GPR137C: variants seen among roughly 807,000 people sequenced by gnomAD.
GPR137C encodes G protein-coupled receptor 137C.
GPR137C carries 27 observed loss-of-function variants against 43.4 expected under a neutral mutation model. That is an observed-to-expected ratio of 0.62 (90% CI 0.46 to 0.86). The LOEUF (loss-of-function observed/expected upper bound fraction) is 0.86. Ranked by LOEUF, GPR137C falls within the 40% of genes least tolerant of loss-of-function variation. The probability of loss-of-function intolerance (pLI) is 0.00; values close to 1 mark genes in which losing one functional copy is unlikely to be tolerated. For missense variants in GPR137C, 522 were observed against 534.6 expected, an observed-to-expected ratio of 0.98 and a Z score of 0.23; for synonymous variants, 285 against 226.9, an observed-to-expected ratio of 1.26 and a Z score of -2.30.
chr14:52,565,016 A>G (rs1171400675), intron 1 of GPR137C, among the ~76,000 whole-genome samples: 1 of 152,210 alleles, frequency 6.6e-6, no homozygotes, highest in African/African-American at 2.4e-5. Flanking sequence ...CGGAGAGAGA[A>G]TAGGGGAGTG....
intron 3 of GPR137C, chr14:52,612,274 C>G: frequency 1.1e-6 from 1 of 942,278 alleles, no homozygotes; most frequent in Non-Finnish European, 1.3e-6. Flanking sequence ...TTATACCCTG[C>G]TTTTCCCCTT....
intron 1 of GPR137C, among the ~76,000 whole-genome samples, chr14:52,565,274 TTTC>T (rs2038350136): frequency 6.6e-6 from 1 of 152,186 alleles, no homozygotes; most frequent in Non-Finnish European, 1.5e-5. Context: ...CATGGGCTAT[TTTC>T]TTCTCCTCCT....
intron 3 of GPR137C, among the ~76,000 whole-genome samples, chr14:52,605,411 T>C (rs961507403): frequency 6.6e-6 from 1 of 152,266 alleles, no homozygotes; most frequent in African/African-American, 2.4e-5. Context: ...TATCCTTCAA[T>C]TTTACTGATC....
At chr14:52,613,625 G>A in intron 3 of GPR137C, 1 of 209,490 alleles carries the variant, frequency 4.8e-6, no homozygotes, top group Non-Finnish European at 9.8e-6. Flanking sequence ...TCTGTGCCTG[G>A]CATATTTTAT....
At chr14:52,566,383 ATACTC>A (rs2038370703) in intron 1 of GPR137C, among the ~76,000 whole-genome samples, 1 of 152,190 alleles carries the variant, frequency 6.6e-6, no homozygotes, top group Non-Finnish European at 1.5e-5. Flanking sequence ...GGTGTAGTGT[ATACTC>A]TAAGGAGAAT....
At chr14:52,588,710 A>AT (rs545007017) in intron 1 of GPR137C, among the ~76,000 whole-genome samples, 4 of 152,130 alleles carry the variant, frequency 2.6e-5, no homozygotes, top group Admixed American at 1.3e-4. Context: ...ATAATCCTGG[A>AT]TTTTTTTTCA....
Position 52,633,613 on chromosome 14 carries a change from G to A in GPR137C, c.951G>A (p.Ser317=), listed in dbSNP as rs766952761. Reference sequence around the variant, plus strand: ...TGTGGGAACATGTGCCAGCATGGTCGGTGGTACTGTTTTTCCGGGCACAGA... The same window carrying A: ...TGTGGGAACATGTGCCAGCATGGTCAGTGGTACTGTTTTTCCGGGCACAGA... The part of the protein sequence containing the change: ...LFLWEHVPAW[S]VVLFFRAQRL... Residue 317 remains serine, a synonymous_variant, in exon 5 of 7, where the codon TCG becomes TCA. Coordinates refer to ENST00000321662, the MANE Select transcript of GPR137C (RefSeq NM_001099652.2). 75 of 1,612,964 alleles carry A rather than the reference G, an allele frequency of 4.6e-5. No homozygotes were observed. Among genetic ancestry groups the A allele is most frequent in the Middle Eastern group, 3.3e-4 (2 of 6,080 alleles).
chr14:52,581,370 TAA>T (rs142405317), intron 1 of GPR137C, among the ~76,000 whole-genome samples: 198 of 127,396 alleles, frequency 1.6e-3, no homozygotes, highest in Middle Eastern at 4.1e-3. Flanking sequence ...CCTTCTCTAC[TAA>T]AAAAAAAAAA....
intron 3 of GPR137C, among the ~76,000 whole-genome samples, chr14:52,615,700 A>T (rs1359426471): frequency 1.3e-5 from 2 of 152,114 alleles, no homozygotes; most frequent in Non-Finnish European, 2.9e-5. Flanking sequence ...CTTAATGTTT[A>T]GATATTTAAT....
intron 3 of GPR137C, chr14:52,612,051 A>G: frequency 1.0e-6 from 1 of 984,896 alleles, no homozygotes; most frequent in Non-Finnish European, 1.2e-6. Context: ...TTTCACTGTT[A>G]TTTGTCTGTT....
At chr14:52,612,625 A>C (rs1296419277) in intron 3 of GPR137C, 1 of 534,860 alleles carries the variant, frequency 1.9e-6, no homozygotes, top group Non-Finnish European at 2.4e-6. Context: ...GTAGTGGCGC[A>C]ATTATAGCTT....
In GPR137C at chr14:52,584,095, T is replaced by C. The variant is rs139475621; in HGVS notation, c.445-14177T>C. On this transcript the variant is annotated intron_variant, in intron 1 of 6. Transcript: ENST00000321662. ...CCTTGACTTTTTGCCGTGCCAAACC[T>C]GTTCATTCACCAGAGTGAGTTCTTC... 3.9e-5 allele frequency among the ~76,000 whole-genome samples: 6 copies of C among 152,338 alleles called. No individual in the cohort carries two copies. In the East Asian group the frequency reaches 1.2e-3, roughly 29 times the overall value.
chr14:52,614,806 T>C (rs1191228249), intron 3 of GPR137C, among the ~76,000 whole-genome samples: 1 of 152,186 alleles, frequency 6.6e-6, no homozygotes, highest in Non-Finnish European at 1.5e-5. Flanking sequence ...TAAATCAGAT[T>C]ATTAAATTTT....
intron 3 of GPR137C, among the ~76,000 whole-genome samples, chr14:52,607,052 G>A (rs1482604452): frequency 2.6e-5 from 4 of 152,150 alleles, no homozygotes; most frequent in Non-Finnish European, 4.4e-5. Context: ...GCCATTGATC[G>A]TTCAGGAACA....
rs957067962 is a variant in GPR137C at position 52,636,786 on chromosome 14, T to C, written c.*1671T>C. ...TATGTTATTTTGGGTTTGTTTATAA[T>C]TCTCTCATTGTAACCAAATTATTTT... On this transcript the variant is annotated 3_prime_UTR_variant, in exon 7 of 7. Coordinates refer to ENST00000321662, the MANE Select transcript of GPR137C (RefSeq NM_001099652.2). The C allele has an allele frequency of 2.0e-4, 31 of 152,150 alleles. No individual in the cohort carries two copies. Among genetic ancestry groups the C allele is most frequent in the African/African-American group, 7.2e-4 (30 of 41,456 alleles). 9.4% of individuals were successfully genotyped at this position (152,150 alleles called of 1,614,324 possible). A position where few individuals can be genotyped will look rare whatever the true frequency, so the allele number is the denominator to read the frequency against.
At chr14:52,613,696 G>T in intron 3 of GPR137C, 2 of 289,944 alleles carry the variant, frequency 6.9e-6, no homozygotes, top group Non-Finnish European at 1.4e-5. Context: ...TCTTTCTTAT[G>T]GCTGAATAGT....
At chr14:52,591,380 G>A (rs562986907) in intron 1 of GPR137C, among the ~76,000 whole-genome samples, 1 of 152,246 alleles carries the variant, frequency 6.6e-6, no homozygotes, top group South Asian at 2.1e-4. Context: ...AGTATTTCTA[G>A]TTCCAGATCC....
chr14:52,575,327 C>T (rs937152251), intron 1 of GPR137C, among the ~76,000 whole-genome samples: 5 of 151,968 alleles, frequency 3.3e-5, no homozygotes, highest in Admixed American at 1.3e-4. Flanking sequence ...CCCAGGAGGC[C>T]GAGGCTTCAG....
chr14:52,607,862 G>A (rs942627034), intron 3 of GPR137C, among the ~76,000 whole-genome samples: 4 of 151,204 alleles, frequency 2.6e-5, no homozygotes, highest in Non-Finnish European at 5.9e-5. Flanking sequence ...GCAGCAGAGC[G>A]AGACTCTGTC....
Sources: gnomAD v4.1 joint callset for allele counts (sites outside exome capture counted in the v4.1 genomes callset) on GRCh38, gnomAD v4.1.1 for gene constraint, MANE v1.5 for transcripts, NCBI Gene and HGNC (gene_info 2026-07-23, HGNC 2026-07-21) for gene names.